Variants in CRHR2 observed in about 807,000 individuals in gnomAD.
CRHR2 encodes corticotropin-releasing hormone receptor 2.
CRHR2 carries 53 observed loss-of-function variants against 57.9 expected under a neutral mutation model. The ratio of observed to expected loss-of-function variants is 0.92; its 90% CI spans 0.73 to 1.15. The LOEUF (loss-of-function observed/expected upper bound fraction) is 1.15, where lower values mean the gene tolerates loss of function less well. Ranked by LOEUF, CRHR2 falls within the 50% of genes most tolerant of loss-of-function variation. CRHR2 has a pLI of 0.00. For synonymous variants in CRHR2, 213 were observed against 220.9 expected (o/e 0.96, Z 0.32); for missense variants, 532 against 542.6 (o/e 0.98, Z 0.19).
intron 2 of CRHR2, among the ~76,000 whole-genome samples, chr7:30,669,378 G>T (rs1261852284): frequency 1.3e-5 from 2 of 152,130 alleles, no homozygotes; most frequent in Non-Finnish European, 2.9e-5. Flanking sequence ...TGGTCACTCT[G>T]ATCAATGTGG....
At chr7:30,697,507 C>A (rs1264507601) in intron 1 of CRHR2, among the ~76,000 whole-genome samples, 2 of 152,160 alleles carry the variant, frequency 1.3e-5, no homozygotes, top group Non-Finnish European at 2.9e-5. Flanking sequence ...TGCCTCCGGA[C>A]CAGCTTCCCG....
At chr7:30,699,754 CCGA>C (rs1785130538) in intron 1 of CRHR2, 1 of 500,186 alleles carries the variant, frequency 2.0e-6, no homozygotes, top group Admixed American at 4.0e-5. Flanking sequence ...ACAAGGATCC[CCGA>C]TCCAGCCCAG....
At position 30,665,150 on chromosome 7, in the gene CRHR2, G is replaced by A. The variant is rs751889993; in HGVS notation, c.463C>T (p.Leu155Phe). 2.5e-5 allele frequency: 40 copies of A among 1,614,120 alleles called. No individual in the cohort carries two copies. The highest frequency in any genetic ancestry group is 3.2e-5 in the Non-Finnish European group (38 of 1,180,024). ...RCLRNVIHWN[L>F]ITTFILRNVM... is the part of the protein sequence containing the mutation. ...TTTCGCAGGATAAAGGTGGTGATGA[G>A]GTTCCAGTGAATCACATTCCGCAGA... The change falls in exon 5 of 12, where the codon CTC becomes TTC. Residue 155 changes from leucine to phenylalanine, a missense_variant. Transcript: ENST00000471646. The surrounding 1 kb of genome is among the most constrained non-coding windows in gnomAD (Gnocchi z 4.5).
intron 1 of CRHR2, chr7:30,698,150 G>A (rs1293531643): frequency 1.3e-5 from 2 of 152,334 alleles, no homozygotes; most frequent in South Asian, 2.1e-4. Flanking sequence ...TGAAGGCCCC[G>A]TGAGAGGAAG....
chr7:30,686,524 C>A, upstream of CRHR2: 1 of 1,506,008 alleles, frequency 6.6e-7, no homozygotes, highest in African/African-American at 1.4e-5. Flanking sequence ...CATTCGGATT[C>A]TTGGCCAGGT....
intron 7 of CRHR2, 61 bp from the exon 8 acceptor site, chr7:30,660,706 C>T (rs1783967248): frequency 6.6e-7 from 1 of 1,507,658 alleles, no homozygotes. Context: ...CCCCCACAGA[C>T]TTGGGCCCAG....
At position 30,655,021 on chromosome 7, in the gene CRHR2, G is replaced by A. The variant is rs202081523; in HGVS notation, c.1095+18C>T. On this transcript the variant is annotated intron_variant, in intron 11 of 11. Transcript: ENST00000471646. Reference sequence around the variant, plus strand: ...GGACCTGGATATCCCAGGCCACCCCGAGGGCCCAGCTTCATACCTCTCCAT... The same window carrying A: ...GGACCTGGATATCCCAGGCCACCCCAAGGGCCCAGCTTCATACCTCTCCAT... 9.9e-6 allele frequency: 16 copies of A among 1,611,992 alleles called. No homozygotes were observed. Among genetic ancestry groups the A allele is most frequent in the African/African-American group, 5.3e-5 (4 of 74,994 alleles).
intron 2 of CRHR2, among the ~76,000 whole-genome samples, chr7:30,678,014 G>C (rs1784572785): frequency 6.6e-6 from 1 of 152,220 alleles, no homozygotes; most frequent in Non-Finnish European, 1.5e-5. Context: ...AGATTGCAGT[G>C]ATCTTTGATC....
rs758104590 is a variant in CRHR2 at position 30,700,008 on chromosome 7, C to T, written c.-325G>A. 1.5e-5 allele frequency: 21 copies of T among 1,441,424 alleles called. No homozygotes were observed. The Middle Eastern group carries it at 2.0e-3, about 139-fold the overall frequency. 89.3% of individuals were successfully genotyped at this position (1,441,424 alleles called of 1,614,324 possible). ...GAGGAGGTGTGGGACGTAGAGGAGGCCTGGGGGCCCTGAGGGACCCCTCAT... is the reference window on the plus strand; with the variant it reads ...GAGGAGGTGTGGGACGTAGAGGAGGTCTGGGGGCCCTGAGGGACCCCTCAT... On this transcript the variant is annotated 5_prime_UTR_variant, in exon 1 of 14. Transcript: ENST00000341843.
At position 30,692,171 on chromosome 7, in the gene CRHR2, C is replaced by T. The variant is rs117375284; in HGVS notation, c.-260-2887G>A. On this transcript the variant is annotated intron_variant, in intron 1 of 13. Transcript: ENST00000341843. ...GGTCAAGAGCCTGGCACGTAGAATG[C>T]GCACGCTGAATGGTGACTCTTGGCA... Among the ~76,000 whole-genome samples the T allele has an allele frequency of 4.5e-4, 69 of 152,310 alleles. 1 individual carries two copies. Among genetic ancestry groups the T allele is most frequent in the African/African-American group, 9.9e-4 (41 of 41,568 alleles).
chr7:30,697,122 G>A (rs771123723), intron 1 of CRHR2, among the ~76,000 whole-genome samples: 1 of 152,216 alleles, frequency 6.6e-6, no homozygotes, highest in African/African-American at 2.4e-5. Flanking sequence ...TATGTTAGGG[G>A]ACACTGTGGA....
In CRHR2 at chr7:30,653,565, C is replaced by A; in HGVS notation, c.1131G>T (p.Trp377Cys). 2 of 1,612,852 alleles carry A rather than the reference C, an allele frequency of 1.2e-6. No homozygotes were observed. Among genetic ancestry groups the A allele is most frequent in the Non-Finnish European group, 8.5e-7 (1 of 1,179,880 alleles). Residue 377 changes from tryptophan to cysteine, a missense_variant, in exon 12 of 12, where the codon TGG becomes TGT. Transcript: ENST00000471646. This position sits in a 1 kb window ranked among gnomAD's most constrained non-coding sequence, Gnocchi z 5.0. ...RSAVRKRWHR[W>C]QDHHSLRVPM... ...GGACTCGAAGGGAGTGATGGTCCTG[C>A]CAGCGGTGCCACCTCTTCCTCACGG...
chr7:30,691,559 A>G (rs255103), intron 1 of CRHR2, among the ~76,000 whole-genome samples: 63,771 of 152,118 alleles, frequency 0.42, 14,102 homozygotes, highest in African/African-American at 0.58. Context: ...GGCTGTGGCC[A>G]TCTTCTGGCT....
chr7:30,674,632 A>C (rs1784460114), intron 2 of CRHR2, among the ~76,000 whole-genome samples: 1 of 152,202 alleles, frequency 6.6e-6, no homozygotes, highest in South Asian at 2.1e-4. Flanking sequence ...GCAGGATGCC[A>C]GCAGCATCCC....
At position 30,654,646 on chromosome 7, in the gene CRHR2, G is replaced by T. The variant is rs1783708249; in HGVS notation, c.1095+393C>A. On this transcript the variant is annotated intron_variant, in intron 11 of 11. Coordinates refer to ENST00000471646, the MANE Select transcript of CRHR2 (RefSeq NM_001883.5). The stretch of plus-strand genomic sequence containing the variant: ...TTGGTGTGTGGGCTTTTCTGTGGCA[G>T]GTAGCGGGGGAATGTGCTGGTCTCT... The T allele has an allele frequency of 2.0e-6, 3 of 1,521,188 alleles. No homozygotes were observed. The East Asian group carries it at 7.4e-5, about 37-fold the overall frequency. The allele number at this position is 1,521,188 out of a possible 1,614,324, so 94.2% of individuals were successfully genotyped here.
upstream of CRHR2, chr7:30,686,758 A>G: frequency 2.9e-6 from 1 of 345,456 alleles, no homozygotes; most frequent in Non-Finnish European, 5.5e-6. Context: ...TAAAATAGAA[A>G]TAATCTATTT....
At chr7:30,695,393 G>A (rs1453790866) in intron 1 of CRHR2, among the ~76,000 whole-genome samples, 1 of 152,072 alleles carries the variant, frequency 6.6e-6, no homozygotes, top group African/African-American at 2.4e-5. Flanking sequence ...TTCCTTCCCA[G>A]TTCCCCTCCA....
intron 2 of CRHR2, among the ~76,000 whole-genome samples, chr7:30,675,291 T>C (rs1331399100): frequency 6.6e-6 from 1 of 152,160 alleles, no homozygotes; most frequent in Non-Finnish European, 1.5e-5. Flanking sequence ...CTTCAGCCCG[T>C]CTTCAGGGCT....
intron 8 of CRHR2, among the ~76,000 whole-genome samples, chr7:30,658,755 A>G (rs183663663): frequency 2.0e-5 from 3 of 152,218 alleles, no homozygotes; most frequent in African/African-American, 4.8e-5. Flanking sequence ...GTGACTGCCA[A>G]TCCTTTCCCA....
Sources: allele counts gnomAD v4.1 joint callset (sites outside exome capture counted in the v4.1 genomes callset), GRCh38; gene constraint gnomAD v4.1.1; non-coding constraint Gnocchi (gnomAD v3.1); transcripts MANE v1.5; gene names NCBI Gene and HGNC (gene_info 2026-07-23, HGNC 2026-07-21).